The following MAML3 variants were observed in gnomAD, a reference collection of about 807,000 sequenced individuals.
MAML3 encodes mastermind-like protein 3.
A neutral mutation model predicts 101.9 loss-of-function variants in MAML3; 27 were observed. The ratio of observed to expected loss-of-function variants is 0.27; its 90% CI spans 0.20 to 0.37. MAML3 has a LOEUF of 0.37. Among genes scored for constraint, MAML3 ranks in the 10% least tolerant of loss-of-function variants. MAML3 has a pLI of 1.00. For missense variants in MAML3, 1,316 were observed against 1,444.9 expected, an observed-to-expected ratio of 0.91 and a Z score of 1.45; for synonymous variants, 501 against 555.9, an observed-to-expected ratio of 0.90 and a Z score of 1.39.
At chr4:139,901,839 T>G (rs1325484362) in intron 1 of MAML3, among the ~76,000 whole-genome samples, 1 of 152,212 alleles carries the variant, frequency 6.6e-6, no homozygotes, top group Non-Finnish European at 1.5e-5. Context: ...GATTCAACAA[T>G]CTTTTTATTT....
rs118073887 is a variant in MAML3 at position 140,020,544 on chromosome 4, A to G, written c.469-129577T>C. On this transcript the variant is annotated intron_variant, in intron 1 of 4. Transcript: ENST00000509479. ...ATATTGAGCAAAAGTGTATAAATAT[A>G]TTACAGAATAAAGAGAAAAAGTAAC... Among the ~76,000 whole-genome samples, 30 of 152,268 alleles carry G rather than the reference A, an allele frequency of 2.0e-4. No individual in the cohort carries two copies. The East Asian group carries it at 4.1e-3, about 21-fold the overall frequency.
intron 2 of MAML3, among the ~76,000 whole-genome samples, chr4:139,766,002 A>G (rs1050032370): frequency 6.6e-6 from 1 of 152,102 alleles, no homozygotes. Flanking sequence ...AAATAAATAA[A>G]TAAATAAAAA....
At chr4:139,982,375 C>A (rs1461470531) in intron 1 of MAML3, among the ~76,000 whole-genome samples, 1 of 152,054 alleles carries the variant, frequency 6.6e-6, no homozygotes, top group Non-Finnish European at 1.5e-5. Flanking sequence ...ATATTTCAGG[C>A]TCCTATATTT....
intron 2 of MAML3, among the ~76,000 whole-genome samples, chr4:139,801,602 G>A (rs760848558): frequency 6.6e-6 from 1 of 151,462 alleles, no homozygotes; most frequent in Non-Finnish European, 1.5e-5. Context: ...CAGCATCCAA[G>A]GGAGACCTAA....
At chr4:139,842,398 T>C (rs758136131) in intron 2 of MAML3, among the ~76,000 whole-genome samples, 55 of 152,368 alleles carry the variant, frequency 3.6e-4, no homozygotes, top group African/African-American at 1.3e-3. Flanking sequence ...AATGGGTAAG[T>C]GACTGTATCA....
intron 1 of MAML3, among the ~76,000 whole-genome samples, chr4:139,894,516 AAAGAAAGAAAGAAAG>A (rs1302974912): frequency 1.6e-5 from 1 of 63,596 alleles, no homozygotes; most frequent in Non-Finnish European, 3.5e-5. Flanking sequence ...CTTAAAAAAG[AAAGAAAGAAAGAAAG>A]AAAGAAAGAA....
chr4:140,069,845 G>A (rs1372178331), intron 1 of MAML3, among the ~76,000 whole-genome samples: 1 of 151,980 alleles, frequency 6.6e-6, no homozygotes, highest in African/African-American at 2.4e-5. Flanking sequence ...GCTGGGCATG[G>A]TGGCTCACGC....
intron 4 of MAML3, among the ~76,000 whole-genome samples, chr4:139,724,608 T>A (rs1223296631): frequency 1.3e-5 from 2 of 152,166 alleles, no homozygotes; most frequent in Non-Finnish European, 2.9e-5. Context: ...AATAGGTAAC[T>A]TTTGAGAAGC....
chr4:139,947,714 T>A (rs1207915073), intron 1 of MAML3, among the ~76,000 whole-genome samples: 1 of 152,190 alleles, frequency 6.6e-6, no homozygotes, highest in Non-Finnish European at 1.5e-5. Flanking sequence ...AATCTCTCTA[T>A]GCCTCAGTTT....
intron 1 of MAML3, among the ~76,000 whole-genome samples, chr4:140,126,012 G>A (rs78166123): frequency 0.056 from 8,536 of 151,988 alleles, 815 homozygotes; most frequent in African/African-American, 0.19. Context: ...TCCTGACCTC[G>A]TGATCCACCC....
chr4:140,147,395 T>A (rs1239374398), intron 1 of MAML3, among the ~76,000 whole-genome samples: 1 of 152,200 alleles, frequency 6.6e-6, no homozygotes. Flanking sequence ...ATCTGATTGT[T>A]TCATTAGTTC....
chr4:139,813,012 T>C (rs1475291226), intron 2 of MAML3, among the ~76,000 whole-genome samples: 1 of 139,958 alleles, frequency 7.1e-6, no homozygotes, highest in Non-Finnish European at 1.6e-5. Flanking sequence ...GAGTTAAGAA[T>C]AGGATGGCAT....
intron 2 of MAML3, among the ~76,000 whole-genome samples, chr4:139,884,229 G>A (rs1287420448): frequency 3.3e-5 from 5 of 152,098 alleles, no homozygotes. Flanking sequence ...TTCCATGATG[G>A]CTATGAATTT....
intron 1 of MAML3, among the ~76,000 whole-genome samples, chr4:140,027,976 G>A (rs1726852367): frequency 2.0e-5 from 3 of 152,232 alleles, no homozygotes; most frequent in African/African-American, 7.2e-5. Context: ...CCTCATAGAT[G>A]TTCACATATT....
At chr4:139,948,874 G>C (rs1733782159) in intron 1 of MAML3, among the ~76,000 whole-genome samples, 1 of 152,198 alleles carries the variant, frequency 6.6e-6, no homozygotes, top group Non-Finnish European at 1.5e-5. Flanking sequence ...ACAGGTAAGA[G>C]AGGTAATACA....
At chr4:139,832,419 T>C (rs1258979292) in intron 2 of MAML3, among the ~76,000 whole-genome samples, 1 of 151,986 alleles carries the variant, frequency 6.6e-6, no homozygotes, top group Non-Finnish European at 1.5e-5. Flanking sequence ...GCCCCTCCCA[T>C]ATTTTAATAA....
chr4:139,751,411 A>G (rs1203059842), intron 2 of MAML3, among the ~76,000 whole-genome samples: 20 of 152,224 alleles, frequency 1.3e-4, no homozygotes, highest in Admixed American at 1.3e-3. Flanking sequence ...TTCATAATAC[A>G]CGTTATACAC....
chr4:140,133,243 C>A (rs183899148), intron 1 of MAML3: 3 of 336,540 alleles, frequency 8.9e-6, no homozygotes, highest in Admixed American at 3.8e-5. Context: ...TTTCCTGAAC[C>A]TAAAACTACA....
At chr4:139,985,823 C>T (rs1734528817) in intron 1 of MAML3, among the ~76,000 whole-genome samples, 1 of 152,170 alleles carries the variant, frequency 6.6e-6, no homozygotes, top group Non-Finnish European at 1.5e-5. Flanking sequence ...TTTAAGCAAA[C>T]CACACCAGAA....
Sources: gnomAD v4.1 joint callset for allele counts (sites outside exome capture counted in the v4.1 genomes callset) on GRCh38, gnomAD v4.1.1 for gene constraint, MANE v1.5 for transcripts, NCBI Gene and HGNC (gene_info 2026-07-23, HGNC 2026-07-21) for gene names.